HAUS5: variants seen among roughly 807,000 people sequenced by gnomAD.
HAUS5 encodes HAUS augmin like complex subunit 5.
Under a neutral mutation model 94.1 loss-of-function variants are expected in HAUS5, and 67 were observed. That is an observed-to-expected ratio of 0.71 (90% CI 0.58 to 0.87). The LOEUF is 0.87. HAUS5 is among the 40% of genes least tolerant of loss of function. HAUS5 has a pLI of 0.00. For synonymous variants in HAUS5, 339 were observed against 355.4 expected (o/e 0.95, Z 0.52); for missense variants, 739 against 825.6 (o/e 0.90, Z 1.29).
At chr19:35,619,592 C>A (rs757958876) in intron 14 of HAUS5, 21 bp from the exon 15 acceptor site, 6 of 1,524,152 alleles carry the variant, frequency 3.9e-6, no homozygotes, top group South Asian at 2.3e-5. Context: ...ATGCCCCACC[C>A]ACCCCTCCCC....
rs574097995 is a variant in HAUS5, at chr19:35,612,771, C to A, written c.-24C>A. 2.0e-6 allele frequency: 3 copies of A among 1,523,660 alleles called. No individual in the cohort carries two copies. The highest frequency in any genetic ancestry group is 1.4e-5 in the African/African-American group (1 of 72,302). 94.4% of individuals were successfully genotyped at this position (1,523,660 alleles called of 1,614,324 possible). A position where few individuals can be genotyped will look rare whatever the true frequency, so the allele number is the denominator to read the frequency against. ...CCACACTTGAAGAGGCTGAGGGAGG[C>A]GGTGTCGCCGCCGCGGCGCTGTCAT... is the stretch of plus-strand genomic sequence containing the variant. On this transcript the variant is annotated 5_prime_UTR_variant, in exon 1 of 19. Coordinates refer to ENST00000203166, the MANE Select transcript of HAUS5 (RefSeq NM_015302.2).
chr19:35,620,154 C>A, intron 16 of HAUS5, 31 bp downstream of exon 16: 1 of 1,611,206 alleles, frequency 6.2e-7, no homozygotes, highest in South Asian at 1.1e-5. Context: ...ACTTGTCTCC[C>A]CAGCCCCGCC....
chr19:35,620,373 C>A, intron 17 of HAUS5, 46 bp downstream of exon 17: 3 of 1,579,962 alleles, frequency 1.9e-6, no homozygotes, highest in Non-Finnish European at 2.6e-6. Context: ...CCCATTCCCA[C>A]TACCAGCAGC....
rs1967230248 is a variant in HAUS5 at position 35,622,719 on chromosome 19, G to A, written c.1770G>A (p.Gly590=). 1.2e-6 allele frequency: 2 copies of A among 1,614,018 alleles called. No individual in the cohort carries two copies. The highest frequency in any genetic ancestry group is 2.7e-5 in the African/African-American group (2 of 74,922). ...TGGAGCGAATCCCTGAGCTGCAGGG[G>A]ATCGTGGGGGACTGGTGAGAGGGGA... is the stretch of plus-strand genomic sequence containing the variant. ...QALERIPELQ[G]IVGDWWEQPG... The change falls in exon 18 of 19, where the codon GGG becomes GGA. Residue 590 remains glycine (G), a synonymous_variant. Coordinates refer to ENST00000203166, the MANE Select transcript of HAUS5 (RefSeq NM_015302.2).
intron 6 of HAUS5, among the ~76,000 whole-genome samples, chr19:35,616,664 C>T (rs927358448): frequency 4.6e-5 from 7 of 152,074 alleles, no homozygotes; most frequent in Non-Finnish European, 8.8e-5. Flanking sequence ...ATTATAGGCG[C>T]ATGCCACTGT....
chr19:35,612,969 G>A, intron 1 of HAUS5, 77 bp downstream of exon 1: 2 of 1,032,720 alleles, frequency 1.9e-6, no homozygotes, highest in Non-Finnish European at 2.7e-6. Context: ...ACCCCTCATT[G>A]AGGACTCGAC....
chr19:35,619,522 G>A lies in HAUS5; in HGVS notation c.1260+18G>A. 1.9e-6 allele frequency: 3 copies of A among 1,608,686 alleles called. No homozygotes were observed. The highest frequency in any genetic ancestry group is 2.5e-6 in the Non-Finnish European group (3 of 1,177,068). On this transcript the variant is annotated intron_variant, in intron 14 of 18. Coordinates refer to ENST00000203166, the MANE Select transcript of HAUS5 (RefSeq NM_015302.2). ...CGGGGGAGGTGAGATGGGAGTTGGG[G>A]TGAGGTCTGGGTAGGGCTGGATCTG...
chr19:35,618,134 C>G lies in HAUS5; in HGVS notation c.760C>G (p.Arg254Gly), dbSNP rs1485784128. Residue 254 changes from arginine to glycine, a missense_variant, in exon 10 of 19, where the codon CGG becomes GGG. Arg to Gly is a moderately radical substitution (Grantham distance 125, BLOSUM62 -2). Coordinates refer to ENST00000203166, the MANE Select transcript of HAUS5 (RefSeq NM_015302.2). ...TGCCTTGGAGCACCTGGCTGCAGAG[C>G]GGGAGGCAGAGATTCGGTCCCTGTG... Reference protein sequence around the residue: ...LAALEHLAAEREAEIRSLCSG... With the variant: ...LAALEHLAAEGEAEIRSLCSG... The G allele has an allele frequency of 6.2e-7, 1 of 1,610,058 alleles. No individual in the cohort carries two copies. Among genetic ancestry groups the G allele is most frequent in the East Asian group, 2.2e-5 (1 of 44,816 alleles).
chr19:35,620,416 TACGC>T, intron 17 of HAUS5, 89 bp downstream of exon 17: 1 of 1,203,484 alleles, frequency 8.3e-7, no homozygotes, highest in Non-Finnish European at 1.2e-6. Flanking sequence ...CCCCGTTGTT[TACGC>T]AGTGCCCATT....
In HAUS5 at chr19:35,621,379, G is replaced by C. The variant is rs1222281461; in HGVS notation, c.1651+1052G>C. ...TTTTTTTGAGACAAGGTCTCATTCTGTCACTCAGGCTGGAGTGCAGTGGTG... is the reference window on the plus strand; with the variant it reads ...TTTTTTTGAGACAAGGTCTCATTCTCTCACTCAGGCTGGAGTGCAGTGGTG... On this transcript the variant is annotated intron_variant, in intron 17 of 18. Transcript: ENST00000203166. 2.0e-5 allele frequency among the ~76,000 whole-genome samples: 3 copies of C among 152,094 alleles called. No individual in the cohort carries two copies. In the East Asian group the frequency reaches 5.8e-4, roughly 29 times the overall value.
intron 3 of HAUS5, 25 bp from the exon 4 acceptor site, chr19:35,614,010 G>T (rs747490728): frequency 6.2e-7 from 1 of 1,613,296 alleles, no homozygotes; most frequent in Admixed American, 1.7e-5. Context: ...CCACTCATCC[G>T]CTGACTCTGG....
intron 17 of HAUS5, among the ~76,000 whole-genome samples, chr19:35,622,287 C>G (rs1396185213): frequency 1.3e-5 from 2 of 151,714 alleles, no homozygotes; most frequent in Non-Finnish European, 2.9e-5. Flanking sequence ...GCTCAGGAGA[C>G]TGAGCGGACA....
intron 1 of HAUS5, 192 bp from the exon 2 acceptor site, chr19:35,613,538 T>C (rs1457979086): frequency 1.5e-5 from 9 of 585,058 alleles, no homozygotes; most frequent in Admixed American, 9.6e-5. Context: ...GGAGCTATGA[T>C]CGTACCACTG....
In HAUS5 at chr19:35,613,830, G is replaced by A. The variant is rs1216973331; in HGVS notation, c.161+38G>A. The stretch of plus-strand genomic sequence containing the variant: ...AGAGCAGGGGAGGGGGCACAGGTGA[G>A]GCCCATAGTAACTCCTCTTTCTGCC... On this transcript the variant is annotated intron_variant, in intron 2 of 18. Transcript: ENST00000203166. 9 of 1,613,876 alleles carry A rather than the reference G, an allele frequency of 5.6e-6. No homozygotes were observed. In the Admixed American group the frequency reaches 1.5e-4, roughly 27 times the overall value.
In HAUS5 at chr19:35,624,109, T is replaced by TTG. The variant is rs1049751329; in HGVS notation, c.*1117_*1118insGT. 9 of 143,258 alleles carry TTG rather than the reference T, an allele frequency of 6.3e-5. No homozygotes were observed. Among genetic ancestry groups the TTG allele is most frequent in the East Asian group, 2.0e-4 (1 of 5,000 alleles). The allele number at this position is 143,258 out of a possible 1,614,324, so 8.9% of individuals were successfully genotyped here. On this transcript the variant is annotated 3_prime_UTR_variant, in exon 19 of 19. Coordinates refer to ENST00000203166, the MANE Select transcript of HAUS5 (RefSeq NM_015302.2). Reference sequence around the variant, plus strand: ...CTGTTCTTGTTTTCTTTTGTTTTTTTTTTTTTTTTTTTTGAGATGCAGTCT... The same window carrying TTG: ...CTGTTCTTGTTTTCTTTTGTTTTTTTTGTTTTTTTTTTTTTGAGATGCAGTCT...
chr19:35,623,171 A>G lies in HAUS5; in HGVS notation c.*178A>G. 1.7e-6 allele frequency: 1 copy of G among 594,548 alleles called. No homozygotes were observed. Among genetic ancestry groups the G allele is most frequent in the South Asian group, 2.0e-5 (1 of 49,606 alleles). 36.8% of individuals were successfully genotyped at this position (594,548 alleles called of 1,614,324 possible). Reference sequence around the variant, plus strand: ...CTCAGCTCCTGGACCCTGTCCTTTCATCCCGCTAAAGCACCCCCTAAAACC... The same window carrying G: ...CTCAGCTCCTGGACCCTGTCCTTTCGTCCCGCTAAAGCACCCCCTAAAACC... On this transcript the variant is annotated 3_prime_UTR_variant, in exon 19 of 19. Coordinates refer to ENST00000203166, the MANE Select transcript of HAUS5 (RefSeq NM_015302.2).
intron 18 of HAUS5, 36 bp from the exon 19 acceptor site, chr19:35,622,840 C>T: frequency 6.2e-7 from 1 of 1,604,498 alleles, no homozygotes; most frequent in Non-Finnish European, 8.5e-7. Context: ...TCTGGAGGGT[C>T]AGTCCTTTCC....
Position 35,618,194 on chromosome 19 carries a change from AG to A in HAUS5, c.821+1del, listed in dbSNP as rs771071069. On this transcript the variant is annotated frameshift_variant and splice_region_variant, in exon 10 of 19. Transcript: ENST00000203166. LOFTEE classifies it high-confidence loss of function. Reference sequence around the variant, plus strand: ...TGGGCTTGGCGACACAGAGATATCCAGGTGTGGGGCAGGGTATTCTCACAGT... The same window carrying A: ...TGGGCTTGGCGACACAGAGATATCCAGTGTGGGGCAGGGTATTCTCACAGT... ...GDGLGDTEIS[R>X]PQAPDQSDSS... is the part of the protein sequence containing the mutation. The A allele has an allele frequency of 6.3e-7, 1 of 1,599,616 alleles. No homozygotes were observed. The highest frequency in any genetic ancestry group is 8.5e-7 in the Non-Finnish European group (1 of 1,170,498).
chr19:35,622,765 A>C, intron 18 of HAUS5, 32 bp downstream of exon 18: 1 of 1,613,822 alleles, frequency 6.2e-7, no homozygotes, highest in East Asian at 2.2e-5. Flanking sequence ...GATGGGAAAC[A>C]GAAAAGTCAG....
Sources: gnomAD v4.1 joint callset for allele counts (sites outside exome capture counted in the v4.1 genomes callset) on GRCh38, gnomAD v4.1.1 for gene constraint, MANE v1.5 for transcripts, NCBI Gene and HGNC (gene_info 2026-07-23, HGNC 2026-07-21) for gene names.